Variants in FRAS1 observed in about 807,000 individuals in gnomAD.
FRAS1 encodes Fraser extracellular matrix complex subunit 1, also known as extracellular matrix organizing protein FRAS1.
Under a neutral mutation model 435.2 loss-of-function variants are expected in FRAS1, and 290 were observed. That is an observed-to-expected ratio of 0.67 (90% CI 0.61 to 0.73). The LOEUF is 0.73. Among genes scored for constraint, FRAS1 ranks in the 30% least tolerant of loss-of-function variants. The pLI is 0.00. For missense variants in FRAS1, 4,860 were observed against 5,001.5 expected (o/e 0.97, Z 0.85); for synonymous variants, 1,800 against 1,851.0 (o/e 0.97, Z 0.71).
At chr4:78,335,892 C>T (rs865794886) in intron 19 of FRAS1, among the ~76,000 whole-genome samples, 4 of 142,398 alleles carry the variant, frequency 2.8e-5, no homozygotes, top group African/African-American at 1.0e-4. Flanking sequence ...ATTGTAGCAC[C>T]GTGTGTGGTG....
chr4:78,393,317 A>G (rs1476448798), intron 29 of FRAS1, among the ~76,000 whole-genome samples: 12 of 152,072 alleles, frequency 7.9e-5, no homozygotes, highest in African/African-American at 2.9e-4. Context: ...TTCAGGACTT[A>G]CTTATCCTTT....
chr4:78,375,825 G>A lies in FRAS1; in HGVS notation c.3238G>A (p.Val1080Ile). The A allele has an allele frequency of 9.9e-6, 16 of 1,613,706 alleles. No homozygotes were observed. Among genetic ancestry groups the A allele is most frequent in the Non-Finnish European group, 1.4e-5 (16 of 1,179,788 alleles). ...HGFFLKSGLC[V>I]YNCVPGFSVH... ...GTTCTTTCTGAAGAGTGGCCTCTGT[G>A]TTTACAACTGTGTTCCTGGCTTTTC... The change falls in exon 26 of 74, where the codon GTT becomes ATT. Residue 1080 changes from valine to isoleucine, a missense_variant. Val to Ile is a conservative substitution (Grantham distance 29, BLOSUM62 3). Transcript: ENST00000512123.
chr4:78,406,229 T>C (rs1039519189), intron 30 of FRAS1, among the ~76,000 whole-genome samples: 6 of 152,220 alleles, frequency 3.9e-5, no homozygotes, highest in African/African-American at 1.4e-4. Flanking sequence ...CTAACGTTAT[T>C]AAACTCTGAA....
chr4:78,419,351 T>G (rs1442425112), intron 33 of FRAS1, among the ~76,000 whole-genome samples: 1 of 152,184 alleles, frequency 6.6e-6, no homozygotes, highest in Non-Finnish European at 1.5e-5. Context: ...CCCTCCCATG[T>G]ACTGGCAGAA....
intron 29 of FRAS1, among the ~76,000 whole-genome samples, chr4:78,389,894 G>A (rs1385134): frequency 0.45 from 69,107 of 151,960 alleles, 16,890 homozygotes; most frequent in African/African-American, 0.64. Context: ...AGAGTTTTGG[G>A]ATCCTTGTGA....
At chr4:78,097,202 C>T (rs1741855877) in intron 2 of FRAS1, among the ~76,000 whole-genome samples, 1 of 152,212 alleles carries the variant, frequency 6.6e-6, no homozygotes, top group Non-Finnish European at 1.5e-5. Flanking sequence ...TTTCTCATCT[C>T]TATCTGAGAC....
Position 78,477,892 on chromosome 4 carries a change from G to C in FRAS1, c.7929G>C (p.Glu2643Asp), listed in dbSNP as rs758722874. Residue 2643 changes from glutamate (E) to aspartate (D), a missense_variant, in exon 55 of 74, where the codon GAG becomes GAC. By Grantham distance (45) the Glu-to-Asp change is conservative (BLOSUM62 2). Coordinates refer to ENST00000512123, the MANE Select transcript of FRAS1 (RefSeq NM_025074.7). Reference sequence around the variant, plus strand: ...ATGATGACGTGTTTGAAAATGTTGAGAGTTTCACTGTGGAGCTCAGCATGC... The same window carrying C: ...ATGATGACGTGTTTGAAAATGTTGACAGTTTCACTGTGGAGCTCAGCATGC... ...INDDDVFENV[E>D]SFTVELSMPA... is the part of the protein sequence containing the mutation. The C allele has an allele frequency of 6.2e-7, 1 of 1,613,606 alleles. No homozygotes were observed.
Position 78,057,781 on chromosome 4 carries a change from G to C in FRAS1, c.-229G>C, listed in dbSNP as rs1245139058. The C allele has an allele frequency of 1.8e-6, 1 of 545,570 alleles. No individual in the cohort carries two copies. Among genetic ancestry groups the C allele is most frequent in the Non-Finnish European group, 3.3e-6 (1 of 307,010 alleles). 33.8% of individuals were successfully genotyped at this position (545,570 alleles called of 1,614,324 possible). A position where few individuals can be genotyped will look rare whatever the true frequency, so the allele number is the denominator to read the frequency against. On this transcript the variant is annotated 5_prime_UTR_variant, in exon 1 of 74. Transcript: ENST00000512123. The surrounding 1 kb of genome is among the most constrained non-coding windows in gnomAD (Gnocchi z 4.2). ...GGCGTCCTGCCTTGCGGGGGAACTC[G>C]GCGCGCTCTCTGCCTGAGCAGCGAG...
At chr4:78,303,064 CT>C (rs1400006555) in intron 14 of FRAS1, among the ~76,000 whole-genome samples, 1 of 152,100 alleles carries the variant, frequency 6.6e-6, no homozygotes, top group Non-Finnish European at 1.5e-5. Context: ...CCAGTTTCAG[CT>C]TTCTACATAT....
chr4:78,344,328 G>A (rs1463227030), intron 20 of FRAS1, among the ~76,000 whole-genome samples: 1 of 151,902 alleles, frequency 6.6e-6, no homozygotes, highest in Non-Finnish European at 1.5e-5. Flanking sequence ...TTTAACATTC[G>A]CAATGATCCT....
In FRAS1 at chr4:78,450,296, T is replaced by G. The variant is rs1578332149; in HGVS notation, c.6420T>G (p.Ile2140Met). Reference protein sequence around the residue: ...MKHGNLEQISIKGPIRSFTQA... With the variant: ...MKHGNLEQISMKGPIRSFTQA... Reference sequence around the variant, plus strand: ...ATGGCAACCTGGAGCAAATTTCTATTAAAGGCCCCATCCGAAGTTTCACCC... The same window carrying G: ...ATGGCAACCTGGAGCAAATTTCTATGAAAGGCCCCATCCGAAGTTTCACCC... The change falls in exon 45 of 74, where the codon ATT becomes ATG. Residue 2140 changes from isoleucine (I) to methionine (M), a missense_variant. Ile to Met is a conservative substitution (Grantham distance 10). Coordinates refer to ENST00000512123, the MANE Select transcript of FRAS1 (RefSeq NM_025074.7). 6.2e-7 allele frequency: 1 copy of G among 1,613,854 alleles called. No homozygotes were observed. The highest frequency in any genetic ancestry group is 8.5e-7 in the Non-Finnish European group (1 of 1,179,792).
chr4:78,105,551 C>T (rs980273853), intron 2 of FRAS1, among the ~76,000 whole-genome samples: 4 of 152,096 alleles, frequency 2.6e-5, no homozygotes, highest in African/African-American at 4.8e-5. Context: ...TTATAAAGAC[C>T]GATACGAATT....
At chr4:78,123,231 G>A (rs749057981) in intron 2 of FRAS1, among the ~76,000 whole-genome samples, 1 of 152,178 alleles carries the variant, frequency 6.6e-6, no homozygotes, top group Non-Finnish European at 1.5e-5. Context: ...TATTAAATAG[G>A]GAATCTTTTC....
intron 2 of FRAS1, among the ~76,000 whole-genome samples, chr4:78,173,880 AG>A (rs1721656273): frequency 6.6e-6 from 1 of 152,254 alleles, no homozygotes; most frequent in African/African-American, 2.4e-5. Flanking sequence ...TTGAAGTAAT[AG>A]AAAACATTTC....
chr4:78,409,538 A>G (rs1446138514), intron 31 of FRAS1, among the ~76,000 whole-genome samples: 1 of 152,230 alleles, frequency 6.6e-6, no homozygotes. Context: ...GAATTGGTTA[A>G]TTATAAAATG....
At chr4:78,299,431 C>T (rs569006589) in intron 14 of FRAS1, among the ~76,000 whole-genome samples, 18 of 152,254 alleles carry the variant, frequency 1.2e-4, no homozygotes, top group Admixed American at 4.6e-4. Context: ...AGCATGGTGT[C>T]GGGTGGAGAT....
chr4:78,411,664 C>T (rs1733340929), intron 31 of FRAS1, among the ~76,000 whole-genome samples: 1 of 152,214 alleles, frequency 6.6e-6, no homozygotes, highest in Admixed American at 6.5e-5. Context: ...CAGACCAACA[C>T]ATCTCCCATC....
intron 10 of FRAS1, among the ~76,000 whole-genome samples, chr4:78,280,579 A>AAT (rs1389732626): frequency 7.9e-6 from 1 of 126,204 alleles, no homozygotes; most frequent in Non-Finnish European, 1.7e-5. Flanking sequence ...ATTCCTCCAT[A>AAT]CTTTTTTTTT....
Position 78,475,698 on chromosome 4 carries a change from T to G in FRAS1, c.7851+92T>G, listed in dbSNP as rs911129463. 169 of 1,235,070 alleles carry G rather than the reference T, an allele frequency of 1.4e-4. 1 individual carries two copies. The South Asian group carries it at 2.5e-3, about 18-fold the overall frequency. 76.5% of individuals were successfully genotyped at this position (1,235,070 alleles called of 1,614,324 possible). ...GCACTTTCCTACTTCTTCCCAACTT[T>G]GCTTTTCACTGGTGTCCTTCTTCAA... On this transcript the variant is annotated intron_variant, in intron 54 of 73. Transcript: ENST00000512123.
Sources: allele counts gnomAD v4.1 joint callset (sites outside exome capture counted in the v4.1 genomes callset), GRCh38; gene constraint gnomAD v4.1.1; non-coding constraint Gnocchi (gnomAD v3.1); transcripts MANE v1.5; gene names NCBI Gene and HGNC (gene_info 2026-07-23, HGNC 2026-07-21).